CAMK4: variants seen among roughly 807,000 people sequenced by gnomAD.
CAMK4 encodes calcium/calmodulin dependent protein kinase IV, also known as calcium/calmodulin-dependent protein kinase type IV.
In CAMK4, 22 loss-of-function variants were observed where a neutral mutation model predicts 44.9. That is an observed-to-expected ratio of 0.49 (90% CI 0.35 to 0.70). The LOEUF (loss-of-function observed/expected upper bound fraction) is 0.70. CAMK4 is among the 30% of genes least tolerant of loss of function. CAMK4 has a pLI of 0.01. For missense variants in CAMK4, 498 were observed against 586.8 expected (o/e 0.85, Z 1.56); for synonymous variants, 218 against 215.4 (o/e 1.01, Z -0.11).
intron 7 of CAMK4, among the ~76,000 whole-genome samples, chr5:111,450,709 A>C (rs1250403892): frequency 6.7e-6 from 1 of 150,330 alleles, no homozygotes; most frequent in East Asian, 1.9e-4. Flanking sequence ...AATCCCTTGC[A>C]CCTGGGAGGT....
rs1324305613 is a variant in CAMK4 at position 111,491,367 on chromosome 5, T to G, written c.*6901T>G. The G allele has an allele frequency of 6.6e-6, 1 of 151,954 alleles. No individual in the cohort carries two copies. Among genetic ancestry groups the G allele is most frequent in the Non-Finnish European group, 1.5e-5 (1 of 68,008 alleles). The allele number at this position is 151,954 out of a possible 1,614,324, so 9.4% of individuals were successfully genotyped here. On this transcript the variant is annotated 3_prime_UTR_variant, in exon 11 of 11. Transcript: ENST00000282356. ...CTTACAGTAAAACAATGACCCTGGG[T>G]TTTCATGGCACCCCAATGCCTTTTT...
chr5:111,419,314 T>C (rs1752933884), intron 5 of CAMK4, among the ~76,000 whole-genome samples: 3 of 152,210 alleles, frequency 2.0e-5, no homozygotes, highest in East Asian at 1.9e-4. Context: ...TGTAAATTTG[T>C]TTGAGTTCAT....
At chr5:111,414,258 T>A (rs969741057) in intron 5 of CAMK4, among the ~76,000 whole-genome samples, 1 of 152,154 alleles carries the variant, frequency 6.6e-6, no homozygotes, top group Non-Finnish European at 1.5e-5. Context: ...GAGAAAAAAA[T>A]TTAGTTCTTT....
intron 1 of CAMK4, among the ~76,000 whole-genome samples, chr5:111,249,999 G>A (rs1319493060): frequency 1.3e-5 from 2 of 152,114 alleles, no homozygotes; most frequent in Non-Finnish European, 2.9e-5. Context: ...GGAAACAGAG[G>A]CCTGGGGAGA....
intron 1 of CAMK4, among the ~76,000 whole-genome samples, chr5:111,316,681 G>A (rs1426286951): frequency 6.6e-6 from 1 of 152,116 alleles, no homozygotes; most frequent in East Asian, 1.9e-4. Flanking sequence ...AGTTTTCTTA[G>A]GTGACATTGT....
At chr5:111,476,267 G>T (rs112990169) in intron 8 of CAMK4, among the ~76,000 whole-genome samples, 3,315 of 133,390 alleles carry the variant, frequency 0.025, 133 homozygotes, top group African/African-American at 0.092. Flanking sequence ...GTGTGTGTGT[G>T]TGTTTGTGTG....
intron 4 of CAMK4, among the ~76,000 whole-genome samples, chr5:111,383,454 C>G (rs114072436): frequency 6.6e-6 from 1 of 152,052 alleles, no homozygotes; most frequent in Non-Finnish European, 1.5e-5. Context: ...GGAAAGCACA[C>G]GATTACTGAA....
intron 1 of CAMK4, among the ~76,000 whole-genome samples, chr5:111,242,661 A>G (rs1316431454): frequency 1.3e-5 from 2 of 152,164 alleles, no homozygotes; most frequent in African/African-American, 4.8e-5. Context: ...TTGCATGAAC[A>G]GCAGGTCTTT....
intron 1 of CAMK4, among the ~76,000 whole-genome samples, chr5:111,275,581 A>C (rs1469060992): frequency 6.6e-6 from 1 of 152,084 alleles, no homozygotes; most frequent in Non-Finnish European, 1.5e-5. Context: ...ATACTTGAAA[A>C]TGTCTTTATT....
chr5:111,240,883 C>A (rs1215369741), intron 1 of CAMK4, among the ~76,000 whole-genome samples: 3 of 152,138 alleles, frequency 2.0e-5, no homozygotes, highest in Non-Finnish European at 2.9e-5. Flanking sequence ...ATTAATAGAA[C>A]CCCCAGTGGC....
intron 1 of CAMK4, among the ~76,000 whole-genome samples, chr5:111,334,081 A>G (rs986040031): frequency 3.3e-5 from 5 of 151,502 alleles, no homozygotes; most frequent in Admixed American, 3.3e-4. Flanking sequence ...CTGATGCCAA[A>G]ACCTTGGGCT....
intron 5 of CAMK4, among the ~76,000 whole-genome samples, chr5:111,417,525 T>TAA (rs111230341): frequency 2.1e-5 from 3 of 146,316 alleles, no homozygotes; most frequent in African/African-American, 7.5e-5. Flanking sequence ...CCCAGCTAAT[T>TAA]AAAAAAAAAA....
Position 111,374,890 on chromosome 5 carries a change from T to C in CAMK4, c.281T>C (p.Leu94Pro). 1 of 1,611,866 alleles carries C rather than the reference T, an allele frequency of 6.2e-7. No individual in the cohort carries two copies. The highest frequency in any genetic ancestry group is 8.5e-7 in the Non-Finnish European group (1 of 1,178,312). Residue 94 changes from leucine to proline, a missense_variant, in exon 3 of 11, where the codon CTT becomes CCT. Physicochemically the swap from Leu to Pro is moderately conservative, Grantham distance 98. Transcript: ENST00000282356. ...KIVRTEIGVL[L>P]RLSHPNIIKL... The stretch of plus-strand genomic sequence containing the variant: ...GTAAGAACTGAGATAGGAGTTCTTC[T>C]TCGCCTCTCACATCCAAACATTGTA...
intron 5 of CAMK4, among the ~76,000 whole-genome samples, chr5:111,439,878 A>G (rs1342863746): frequency 6.6e-6 from 1 of 152,214 alleles, no homozygotes; most frequent in Non-Finnish European, 1.5e-5. Flanking sequence ...AGTCTGAAGG[A>G]GAGACTAGCC....
chr5:111,453,869 CCTGGCTCCTGGCT>C (rs1364647632), intron 7 of CAMK4, among the ~76,000 whole-genome samples: 1 of 152,064 alleles, frequency 6.6e-6, no homozygotes, highest in Non-Finnish European at 1.5e-5. Context: ...GTGTGGGTTG[CCTGGCTCCTGGCT>C]CTTGGCCCTG....
In CAMK4 at chr5:111,344,443, C is replaced by A. The variant is rs563010942; in HGVS notation, c.240+341C>A. Among the ~76,000 whole-genome samples the A allele has an allele frequency of 5.4e-3, 820 of 151,668 alleles. 8 individuals carry two copies. The highest frequency in any genetic ancestry group is 0.018 in the African/African-American group (759 of 41,412). ...ACACACACACACACATACACACACACACACTATATAATAATTTCAATATTT... is the reference window on the plus strand; with the variant it reads ...ACACACACACACACATACACACACAAACACTATATAATAATTTCAATATTT... On this transcript the variant is annotated intron_variant, in intron 2 of 10. Transcript: ENST00000282356.
chr5:111,230,778 T>C (rs896213239), intron 1 of CAMK4, among the ~76,000 whole-genome samples: 22 of 152,178 alleles, frequency 1.4e-4, no homozygotes, highest in African/African-American at 5.3e-4. Flanking sequence ...CAACTACTAG[T>C]TATTTTTTGT....
At chr5:111,239,401 C>T (rs528208989) in intron 1 of CAMK4, among the ~76,000 whole-genome samples, 5 of 152,066 alleles carry the variant, frequency 3.3e-5, no homozygotes, top group South Asian at 2.1e-4. Context: ...TATAAATTCC[C>T]GAGAATAAGA....
intron 1 of CAMK4, among the ~76,000 whole-genome samples, chr5:111,296,544 ATTGTT>A (rs1363129800): frequency 6.6e-6 from 1 of 152,198 alleles, no homozygotes. Context: ...GCATTCTATG[ATTGTT>A]TTATCAAATA....
Sources: gnomAD v4.1 joint callset for allele counts (sites outside exome capture counted in the v4.1 genomes callset) on GRCh38, gnomAD v4.1.1 for gene constraint, MANE v1.5 for transcripts, NCBI Gene and HGNC (gene_info 2026-07-23, HGNC 2026-07-21) for gene names.